ERO1A: variants seen among roughly 807,000 people sequenced by gnomAD.
The protein encoded by ERO1A is endoplasmic reticulum oxidoreductase 1 alpha, also known as ERO1-like protein alpha.
Under a neutral mutation model 76.9 loss-of-function variants are expected in ERO1A, and 49 were observed. That is an observed-to-expected ratio of 0.64 (90% CI 0.51 to 0.81). ERO1A has a LOEUF of 0.81. Among genes scored for constraint, ERO1A ranks in the 30% least tolerant of loss-of-function variants. The pLI is 0.00. For missense variants in ERO1A, 448 were observed against 542.1 expected, an observed-to-expected ratio of 0.83 and a Z score of 1.72; for synonymous variants, 174 against 181.2, an observed-to-expected ratio of 0.96 and a Z score of 0.32.
intron 4 of ERO1A, chr14:52,672,081 G>A (rs2040618857): frequency 2.5e-6 from 1 of 405,934 alleles, no homozygotes; most frequent in South Asian, 3.6e-5. Flanking sequence ...GAGGCAGGTG[G>A]ATCACCTGAA....
At chr14:52,664,893 G>A (rs375184772) in intron 7 of ERO1A, among the ~76,000 whole-genome samples, 23 of 151,936 alleles carry the variant, frequency 1.5e-4, no homozygotes, top group Admixed American at 1.4e-3. Flanking sequence ...GGGTTTCACC[G>A]CGTTAGTGAG....
chr14:52,689,257 A>G (rs946290373), intron 1 of ERO1A, among the ~76,000 whole-genome samples: 17 of 152,316 alleles, frequency 1.1e-4, no homozygotes, highest in African/African-American at 4.1e-4. Context: ...CCCGGCCCTC[A>G]TATACATTTT....
chr14:52,668,202 C>T (rs1438293719), intron 6 of ERO1A, among the ~76,000 whole-genome samples: 1 of 152,042 alleles, frequency 6.6e-6, no homozygotes, highest in African/African-American at 2.4e-5. Context: ...AAGGCAAGTG[C>T]CACATATAAA....
intron 9 of ERO1A, chr14:52,658,375 C>G: frequency 2.1e-6 from 1 of 470,782 alleles, no homozygotes; most frequent in Admixed American, 4.1e-5. Context: ...TTAGCATTGC[C>G]TTAGGTTGAC....
chr14:52,674,395 C>G (rs980251397), intron 4 of ERO1A, among the ~76,000 whole-genome samples: 2 of 152,086 alleles, frequency 1.3e-5, no homozygotes, highest in Non-Finnish European at 2.9e-5. Context: ...GATGGGGTCT[C>G]ACAATGTTGC....
intron 4 of ERO1A, among the ~76,000 whole-genome samples, chr14:52,675,692 T>G (rs2040761313): frequency 6.6e-6 from 1 of 152,086 alleles, no homozygotes; most frequent in Admixed American, 6.6e-5. Flanking sequence ...TGGAGTACAG[T>G]GGTGAAATCA....
At chr14:52,695,337 G>C in intron 1 of ERO1A, 31 bp downstream of exon 1, 2 of 1,353,646 alleles carry the variant, frequency 1.5e-6, no homozygotes, top group Non-Finnish European at 1.9e-6. Flanking sequence ...AGGGCGCCGG[G>C]ACCCTCAGCA....
intron 4 of ERO1A, 121 bp downstream of exon 4, chr14:52,678,313 A>G: frequency 1.5e-6 from 1 of 648,404 alleles, no homozygotes; most frequent in Non-Finnish European, 2.8e-6. Context: ...CATTCAGCAT[A>G]AATACCTCTC....
rs781560494 is a variant in ERO1A, at chr14:52,678,426, G to A, written c.357+8C>T. On this transcript the variant is annotated splice_region_variant and intron_variant, in intron 4 of 15. Transcript: ENST00000395686. ...ATACTGGACACATCAATAGGTATAC[G>A]TACACACCTTGTAGCTCGCAGATTT... The A allele has an allele frequency of 1.4e-5, 23 of 1,611,862 alleles. No homozygotes were observed. The Admixed American group carries it at 1.7e-4, about 12-fold the overall frequency.
At chr14:52,669,603 T>C (rs2040529684) in intron 6 of ERO1A, among the ~76,000 whole-genome samples, 1 of 152,176 alleles carries the variant, frequency 6.6e-6, no homozygotes, top group African/African-American at 2.4e-5. Flanking sequence ...ATATATCGCA[T>C]ATTACTCCAG....
chr14:52,678,807 T>C (rs2040889746), intron 3 of ERO1A, among the ~76,000 whole-genome samples: 1 of 152,224 alleles, frequency 6.6e-6, no homozygotes, highest in Non-Finnish European at 1.5e-5. Flanking sequence ...CTGTGTCCTT[T>C]TGCTATTACT....
At chr14:52,689,402 A>T (rs1287945495) in intron 1 of ERO1A, among the ~76,000 whole-genome samples, 1 of 152,154 alleles carries the variant, frequency 6.6e-6, no homozygotes, top group African/African-American at 2.4e-5. Context: ...AATCCTAAAG[A>T]CTCCACCAGA....
chr14:52,654,826 T>C (rs187961371), intron 11 of ERO1A, among the ~76,000 whole-genome samples: 45 of 152,338 alleles, frequency 3.0e-4, no homozygotes, highest in Admixed American at 1.3e-3. Flanking sequence ...TCTCCTTCTT[T>C]TTCTATGTGA....
chr14:52,644,346 A>G (rs1051203009), intron 15 of ERO1A, among the ~76,000 whole-genome samples: 1 of 152,120 alleles, frequency 6.6e-6, no homozygotes, highest in Admixed American at 6.5e-5. Context: ...CCAGCTACTC[A>G]GGAGACTAAG....
chr14:52,691,563 G>T (rs907151426), intron 1 of ERO1A, among the ~76,000 whole-genome samples: 1 of 152,128 alleles, frequency 6.6e-6, no homozygotes, highest in South Asian at 2.1e-4. Context: ...TCTCTCCCAC[G>T]GCCCAGCCAC....
At chr14:52,652,479 C>T (rs771104591) in intron 12 of ERO1A, among the ~76,000 whole-genome samples, 171 bp from the exon 13 acceptor site, 66 of 152,216 alleles carry the variant, frequency 4.3e-4, no homozygotes, top group Non-Finnish European at 7.4e-4. Context: ...TTGATTCTAA[C>T]TGCGTAATAC....
chr14:52,651,504 G>C (rs2139643805), intron 13 of ERO1A, among the ~76,000 whole-genome samples: 1 of 129,276 alleles, frequency 7.7e-6, no homozygotes, highest in Admixed American at 7.4e-5. Context: ...GCAATATACA[G>C]ATATCAGTGT....
chr14:52,679,918 G>A (rs547623361), intron 3 of ERO1A, among the ~76,000 whole-genome samples: 9 of 152,072 alleles, frequency 5.9e-5, no homozygotes, highest in Non-Finnish European at 1.0e-4. Context: ...TGGGCATGAT[G>A]TGTGCCTGTA....
At position 52,677,179 on chromosome 14, in the gene ERO1A, C is replaced by T. The variant is rs75583071; in HGVS notation, c.357+1255G>A. ...AAAAAAATCACTTTGGCTAATGCAA[C>T]CAGGTAATAATCATCAAGGCTGCTA... On this transcript the variant is annotated intron_variant, in intron 4 of 15. Coordinates refer to ENST00000395686, the MANE Select transcript of ERO1A (RefSeq NM_014584.3). Among the ~76,000 whole-genome samples the T allele has an allele frequency of 6.7e-3, 1,015 of 152,088 alleles. 12 individuals carry two copies. Among genetic ancestry groups the T allele is most frequent in the Admixed American group, 0.035 (526 of 15,244 alleles).
Sources: gnomAD v4.1 joint callset for allele counts (sites outside exome capture counted in the v4.1 genomes callset) on GRCh38, gnomAD v4.1.1 for gene constraint, MANE v1.5 for transcripts, NCBI Gene and HGNC (gene_info 2026-07-23, HGNC 2026-07-21) for gene names.